The following NIBAN3 variants were observed in gnomAD, a reference collection of about 807,000 sequenced individuals.
The protein encoded by NIBAN3 is niban apoptosis regulator 3, also known as protein Niban 3.
A neutral mutation model predicts 76.4 loss-of-function variants in NIBAN3; 66 were observed. The ratio of observed to expected loss-of-function variants is 0.86; its 90% CI spans 0.71 to 1.06. The LOEUF (loss-of-function observed/expected upper bound fraction) is 1.06, where lower values mean the gene tolerates loss of function less well. Ranked by LOEUF, NIBAN3 falls within the 50% of genes least tolerant of loss-of-function variation. NIBAN3 has a pLI of 0.00. For synonymous variants in NIBAN3, 360 were observed against 355.2 expected (o/e 1.01, Z -0.15); for missense variants, 808 against 810.7 (o/e 1.00, Z 0.04).
intron 14 of NIBAN3, 54 bp downstream of exon 14, chr19:17,549,581 G>A: frequency 2.2e-6 from 3 of 1,375,082 alleles, no homozygotes; most frequent in Non-Finnish European, 3.1e-6. Flanking sequence ...GGGGTGGGGA[G>A]GTGGAGGCCC....
chr19:17,541,251 ATACATAC>A (rs1340121743), intron 9 of NIBAN3, among the ~76,000 whole-genome samples: 1 of 151,936 alleles, frequency 6.6e-6, no homozygotes, highest in African/African-American at 2.4e-5. Flanking sequence ...ACATACATAC[ATACATAC>A]ATACATACAT....
intron 5 of NIBAN3, among the ~76,000 whole-genome samples, chr19:17,538,102 G>A (rs2075858295): frequency 6.6e-6 from 1 of 151,836 alleles, no homozygotes; most frequent in Admixed American, 6.6e-5. Flanking sequence ...CAGATGAGGG[G>A]AAGCTGGGGT....
rs546889787 is a variant in NIBAN3, at chr19:17,539,277, G to A, written c.711+12G>A. 5.3e-5 allele frequency: 84 copies of A among 1,585,672 alleles called. 1 individual carries two copies. The highest frequency in any genetic ancestry group is 5.0e-4 in the Middle Eastern group (3 of 6,026). On this transcript the variant is annotated intron_variant, in intron 6 of 14. Coordinates refer to ENST00000599164, the MANE Select transcript of NIBAN3 (RefSeq NM_001321827.2). ...GCTCAGACGCCGAGGTTAGTGCCCCGCGAGGCCGCACCCGGGACCCCCAGG... is the reference window on the plus strand; with the variant it reads ...GCTCAGACGCCGAGGTTAGTGCCCCACGAGGCCGCACCCGGGACCCCCAGG...
In NIBAN3 at chr19:17,542,706, G is replaced by A. The variant is rs952087719; in HGVS notation, c.1329+412G>A. 1.9e-4 allele frequency among the ~76,000 whole-genome samples: 29 copies of A among 152,162 alleles called. No homozygotes were observed. Among genetic ancestry groups the A allele is most frequent in the African/African-American group, 6.0e-4 (25 of 41,430 alleles). ...GGGCAGATCGCGCAGTGCCTTGAGC[G>A]TGGGGCTAAGGGGTGAGCTCTTTCC... On this transcript the variant is annotated intron_variant, in intron 10 of 14. Coordinates refer to ENST00000599164, the MANE Select transcript of NIBAN3 (RefSeq NM_001321827.2). The surrounding 1 kb of genome is among the most constrained non-coding windows in gnomAD (Gnocchi z 4.8).
intron 9 of NIBAN3, among the ~76,000 whole-genome samples, chr19:17,541,596 T>C (rs1867512194): frequency 1.3e-5 from 2 of 152,192 alleles, no homozygotes; most frequent in Admixed American, 1.3e-4. Context: ...TGTTATAGTT[T>C]TTTCAGGTTT....
chr19:17,533,559 A>C, intron 3 of NIBAN3, 28 bp from the exon 4 acceptor site: 1 of 1,512,266 alleles, frequency 6.6e-7, no homozygotes. Flanking sequence ...GACCTGTCCC[A>C]GGTTGGTTCT....
Position 17,529,692 on chromosome 19 carries a change from C to T in NIBAN3, c.56-1063C>T, listed in dbSNP as rs141021183. On this transcript the variant is annotated intron_variant, in intron 1 of 14. Coordinates refer to ENST00000599164, the MANE Select transcript of NIBAN3 (RefSeq NM_001321827.2). ...GGGACACTTTTGGGTGTGATGGATC[C>T]GCTCATCTTGATTGTGGTGAGGGTT... Among the ~76,000 whole-genome samples the T allele has an allele frequency of 2.3e-3, 353 of 152,256 alleles. 2 individuals carry two copies. The highest frequency in any genetic ancestry group is 7.8e-3 in the African/African-American group (324 of 41,538).
chr19:17,535,745 C>CAAAAAAAAAAAA (rs1163900162), intron 4 of NIBAN3, among the ~76,000 whole-genome samples: 6 of 85,998 alleles, frequency 7.0e-5, no homozygotes, highest in African/African-American at 2.7e-4. Context: ...AAGACTCTGT[C>CAAAAAAAAAAAA]AAAAAAAAAA....
intron 5 of NIBAN3, among the ~76,000 whole-genome samples, chr19:17,538,828 C>T (rs1422272804): frequency 6.6e-6 from 1 of 152,072 alleles, no homozygotes; most frequent in Non-Finnish European, 1.5e-5. Context: ...AGTAGGGGAG[C>T]AGCAGGACTG....
chr19:17,523,877 A>G (rs2075580624), upstream of NIBAN3, among the ~76,000 whole-genome samples: 1 of 151,938 alleles, frequency 6.6e-6, no homozygotes, highest in Non-Finnish European at 1.5e-5. Flanking sequence ...AGCTTTTTGC[A>G]TGGCTTGGGC....
chr19:17,539,084 C>A, intron 5 of NIBAN3, 66 bp from the exon 6 acceptor site: 3 of 1,416,934 alleles, frequency 2.1e-6, no homozygotes, highest in Non-Finnish European at 9.6e-7. Context: ...GGAGGGCTTC[C>A]TCCCCGGGCC....
chr19:17,524,446 C>CA (rs1568436808), upstream of NIBAN3, among the ~76,000 whole-genome samples: 2 of 151,304 alleles, frequency 1.3e-5, no homozygotes, highest in African/African-American at 2.4e-5. Flanking sequence ...CCACAACGCC[C>CA]GCTATTTTTT....
upstream of NIBAN3, chr19:17,523,474 A>G (rs909382232): frequency 1.3e-6 from 2 of 1,560,638 alleles, no homozygotes; most frequent in South Asian, 2.4e-5. Flanking sequence ...GTAAACAGCA[A>G]AGAGAGCTGA....
chr19:17,525,370 C>T (rs566823910), upstream of NIBAN3, among the ~76,000 whole-genome samples: 1 of 152,256 alleles, frequency 6.6e-6, no homozygotes, highest in Non-Finnish European at 1.5e-5. Flanking sequence ...TTCATTCATG[C>T]ACACGTTTAT....
At position 17,553,523 on chromosome 19, in the gene NIBAN3, C is replaced by A; in HGVS notation, c.*1625C>A. The A allele has an allele frequency of 6.2e-7, 1 of 1,614,214 alleles. No homozygotes were observed. ...TCACACTCCCTGGAGACCGTTTCCT[C>A]CCATTCTGTCTGGAGTTTTCGGCCT... On this transcript the variant is annotated 3_prime_UTR_variant, in exon 15 of 15. Transcript: ENST00000599164.
In NIBAN3 at chr19:17,543,611, CTCGAGCCAGGCT is replaced by C; in HGVS notation, c.1535_1546del (p.Leu512_Cys516delinsArg). 6.2e-7 allele frequency: 1 copy of C among 1,613,700 alleles called. No homozygotes were observed. Among genetic ancestry groups the C allele is most frequent in the Non-Finnish European group, 8.5e-7 (1 of 1,179,732 alleles). Reference sequence around the variant, plus strand: ...CTTTTTACCTTTTGTGCTGAGCCAACTCGAGCCAGGCTGCAAAAAGGTGAGTTAATGGGAAGT... The same window carrying C: ...CTTTTTACCTTTTGTGCTGAGCCAACGCAAAAAGGTGAGTTAATGGGAAGT... On this transcript the variant is annotated inframe_deletion, in exon 12 of 15. Transcript: ENST00000599164.
Position 17,543,327 on chromosome 19 carries a change from A to G in NIBAN3, c.1340A>G (p.Asp447Gly), listed in dbSNP as rs550418533. The change falls in exon 11 of 15, where the codon GAC becomes GGC. Residue 447 changes from aspartate (D) to glycine (G), a missense_variant. By Grantham distance (94) the Asp-to-Gly change is moderately conservative. Transcript: ENST00000599164. ...CATCTCCTCCCACAGCTCATGGCTG[A>G]CGCCGTGGCCACCTTCCTGCAGCTG... ...AQDLAQQLMA[D>G]AVATFLQLAD... The G allele has an allele frequency of 4.5e-6, 7 of 1,562,690 alleles. No homozygotes were observed. In the African/African-American group the frequency reaches 9.4e-5, roughly 21 times the overall value.
Position 17,551,987 on chromosome 19 carries a change from T to C in NIBAN3, c.*89T>C, listed in dbSNP as rs1359151312. On this transcript the variant is annotated 3_prime_UTR_variant, in exon 15 of 15. Transcript: ENST00000599164. ...AAACGGATGTGCCATCTTTAGGCTT[T>C]TGTAACCCCTGCAACTTCAGAAAAC... is the stretch of plus-strand genomic sequence containing the variant. 4.7e-6 allele frequency: 3 copies of C among 632,862 alleles called. No homozygotes were observed. Among genetic ancestry groups the C allele is most frequent in the Admixed American group, 2.3e-5 (1 of 43,968 alleles). 39.2% of individuals were successfully genotyped at this position (632,862 alleles called of 1,614,324 possible). A position where few individuals can be genotyped will look rare whatever the true frequency, so the allele number is the denominator to read the frequency against.
chr19:17,530,787 C>T lies in NIBAN3; in HGVS notation c.88C>T (p.Pro30Ser), dbSNP rs769020357. 3.7e-6 allele frequency: 6 copies of T among 1,612,878 alleles called. No homozygotes were observed. Among genetic ancestry groups the T allele is most frequent in the Non-Finnish European group, 5.1e-6 (6 of 1,179,252 alleles). Reference protein sequence around the residue: ...QVDTLLRNFLPCYRGQLAASV... With the variant: ...QVDTLLRNFLSCYRGQLAASV... ...GGACACCCTGCTGAGGAACTTCCTG[C>T]CTTGCTACCGTGGGCAGCTGGCAGC... The change falls in exon 2 of 15, where the codon CCT becomes TCT. Residue 30 changes from proline (P) to serine (S), a missense_variant. By Grantham distance (74) the Pro-to-Ser change is moderately conservative (BLOSUM62 -1). Coordinates refer to ENST00000599164, the MANE Select transcript of NIBAN3 (RefSeq NM_001321827.2).
Sources: allele counts gnomAD v4.1 joint callset (sites outside exome capture counted in the v4.1 genomes callset), GRCh38; gene constraint gnomAD v4.1.1; non-coding constraint Gnocchi (gnomAD v3.1); transcripts MANE v1.5; gene names NCBI Gene and HGNC (gene_info 2026-07-23, HGNC 2026-07-21).